The following TENM3 variants were observed in gnomAD, a reference collection of about 807,000 sequenced individuals.
The protein encoded by TENM3 is teneurin-3.
TENM3 carries 63 observed loss-of-function variants against 255.1 expected under a neutral mutation model. That is an observed-to-expected ratio of 0.25 (90% confidence interval 0.20 to 0.30). The LOEUF (loss-of-function observed/expected upper bound fraction) is 0.30. Ranked by LOEUF, TENM3 falls within the 10% of genes least tolerant of loss-of-function variation. The pLI is 1.00. For synonymous variants in TENM3, 1,306 were observed against 1,322.3 expected, an observed-to-expected ratio of 0.99 and a Z score of 0.27; for missense variants, 2,929 against 3,461.1, an observed-to-expected ratio of 0.85 and a Z score of 3.86.
At chr4:181,603,940 C>A in the TENM3 span, among the ~76,000 whole-genome samples, 1 of 152,158 alleles carries the variant, frequency 6.6e-6, no homozygotes, top group Non-Finnish European at 1.5e-5. Context: ...AAATAGAAGT[C>A]TTCGTTAACA....
At chr4:182,639,345 A>G (rs569880924) in intron 5 of TENM3, among the ~76,000 whole-genome samples, 1 of 152,342 alleles carries the variant, frequency 6.6e-6, no homozygotes, top group Non-Finnish European at 1.5e-5. Flanking sequence ...CTTCCTCAAT[A>G]TAAACAAGTT....
At chr4:182,621,638 TATAA>T (rs1750171141) in intron 4 of TENM3, among the ~76,000 whole-genome samples, 1 of 67,836 alleles carries the variant, frequency 1.5e-5, no homozygotes, top group African/African-American at 5.4e-5. Context: ...ATATATAATA[TATAA>T]TACATATTAT....
chr4:181,754,284 T>TCGCACA, the TENM3 span, among the ~76,000 whole-genome samples: 3 of 144,614 alleles, frequency 2.1e-5, no homozygotes, highest in Admixed American at 2.1e-4. Context: ...TATATCCCAG[T>TCGCACA]CACACACACA....
At chr4:182,373,375 T>G (rs992042560) in intron 3 of TENM3, among the ~76,000 whole-genome samples, 1 of 152,114 alleles carries the variant, frequency 6.6e-6, no homozygotes, top group African/African-American at 2.4e-5. Context: ...ACGAAAGAGG[T>G]TTATTTGGCT....
chr4:181,463,744 A>G, the TENM3 span, among the ~76,000 whole-genome samples: 1 of 152,112 alleles, frequency 6.6e-6, no homozygotes, highest in African/African-American at 2.4e-5. Context: ...ATCCATATCT[A>G]ATTTTAAAAC....
the TENM3 span, among the ~76,000 whole-genome samples, chr4:181,676,149 A>T: frequency 6.6e-6 from 1 of 152,098 alleles, no homozygotes; most frequent in South Asian, 2.1e-4. Context: ...TTGAGCTTCA[A>T]AATGCGCTGT....
chr4:182,077,243 T>C, the TENM3 span, among the ~76,000 whole-genome samples: 1 of 152,150 alleles, frequency 6.6e-6, no homozygotes, highest in Non-Finnish European at 1.5e-5. Flanking sequence ...CACCGACTTG[T>C]ATATTTTTGG....
chr4:182,335,827 A>T (rs996534132), intron 2 of TENM3, among the ~76,000 whole-genome samples: 2 of 152,212 alleles, frequency 1.3e-5, no homozygotes, highest in African/African-American at 2.4e-5. Flanking sequence ...TGACTGTTAC[A>T]GTTTGAAAAC....
chr4:181,520,251 G>A, the TENM3 span, among the ~76,000 whole-genome samples: 1 of 152,202 alleles, frequency 6.6e-6, no homozygotes, highest in Non-Finnish European at 1.5e-5. Flanking sequence ...GCACAGTACA[G>A]TAGCATCCTG....
intron 3 of TENM3, among the ~76,000 whole-genome samples, chr4:182,368,791 G>T (rs1766598388): frequency 6.6e-6 from 1 of 152,264 alleles, no homozygotes; most frequent in Middle Eastern, 3.4e-3. Context: ...ATTGCAAGTA[G>T]CTTGTACGGC....
the TENM3 span, among the ~76,000 whole-genome samples, chr4:181,899,003 G>A: frequency 6.4e-3 from 966 of 152,002 alleles, 6 homozygotes; most frequent in Admixed American, 0.014. Context: ...TAAAACAAAA[G>A]CAACAATTTT....
chr4:182,752,011 G>A lies in TENM3; in HGVS notation c.3841G>A (p.Ala1281Thr), dbSNP rs1762406869. 2.5e-6 allele frequency: 4 copies of A among 1,608,548 alleles called. No individual in the cohort carries two copies. Among genetic ancestry groups the A allele is most frequent in the Non-Finnish European group, 3.4e-6 (4 of 1,177,576 alleles). Residue 1281 changes from alanine to threonine, a missense_variant, in exon 20 of 28, where the codon GCC (alanine) becomes ACC (threonine). Physicochemically the swap from Ala to Thr is moderately conservative, Grantham distance 58. Coordinates refer to ENST00000511685, the MANE Select transcript of TENM3 (RefSeq NM_001080477.4). ...TGGGGATGGAGGGAAGGCCGTGGAA[G>A]CCACACTCATGAGTCCCAAAGGTAC... ...RCGDGGKAVE[A>T]TLMSPKGMAV...
At chr4:182,087,268 C>T in the TENM3 span, among the ~76,000 whole-genome samples, 2 of 152,180 alleles carry the variant, frequency 1.3e-5, no homozygotes, top group Non-Finnish European at 2.9e-5. Flanking sequence ...TTACAAAACA[C>T]ATTAATTCCT....
the TENM3 span, among the ~76,000 whole-genome samples, chr4:181,767,203 G>C: frequency 4.1e-5 from 6 of 146,160 alleles, no homozygotes. Context: ...AGTGAGCCGA[G>C]AAGGTGCCAC....
At chr4:182,248,033 C>T (rs1757765449) in intron 1 of TENM3, among the ~76,000 whole-genome samples, 1 of 152,166 alleles carries the variant, frequency 6.6e-6, no homozygotes, top group Admixed American at 6.5e-5. Context: ...ATTTGGACTT[C>T]AAATATGCAG....
At chr4:181,568,369 T>A in the TENM3 span, among the ~76,000 whole-genome samples, 2 of 152,060 alleles carry the variant, frequency 1.3e-5, no homozygotes, top group African/African-American at 4.8e-5. Flanking sequence ...ACTATGTATT[T>A]TTAGTAGAGA....
chr4:182,693,444 C>T (rs1281623626), intron 12 of TENM3, among the ~76,000 whole-genome samples: 3 of 151,966 alleles, frequency 2.0e-5, no homozygotes, highest in South Asian at 2.1e-4. Flanking sequence ...TCAAGTGATT[C>T]TCCTGCCTCA....
At chr4:182,476,152 A>G (rs562523472) in intron 3 of TENM3, among the ~76,000 whole-genome samples, 92 of 152,312 alleles carry the variant, frequency 6.0e-4, no homozygotes, top group African/African-American at 2.1e-3. Flanking sequence ...GTGAAGTCTC[A>G]TCTAATAGCT....
rs537771168 is a variant in TENM3, at chr4:182,526,852, C to T, written c.512-74072C>T. Among the ~76,000 whole-genome samples, 19 of 152,236 alleles carry T rather than the reference C, an allele frequency of 1.2e-4. No homozygotes were observed. In the South Asian group the frequency reaches 4.0e-3, roughly 32 times the overall value. ...GCTTGTTGAATTGTGTGATGATAGT[C>T]CTGAATCTATGTGATGATAGTCTTG... On this transcript the variant is annotated intron_variant, in intron 3 of 27. Transcript: ENST00000511685.
Sources: gnomAD v4.1 joint callset for allele counts (sites outside exome capture counted in the v4.1 genomes callset) on GRCh38, gnomAD v4.1.1 for gene constraint, MANE v1.5 for transcripts, NCBI Gene and HGNC (gene_info 2026-07-23, HGNC 2026-07-21) for gene names.